SLIT2: variants seen among roughly 807,000 people sequenced by gnomAD.
SLIT2 encodes the protein slit guidance ligand 2, also known as slit homolog 2 protein.
SLIT2 carries 41 observed loss-of-function variants against 185.7 expected under a neutral mutation model. That is an observed-to-expected ratio of 0.22 (90% CI 0.17 to 0.29). The LOEUF (loss-of-function observed/expected upper bound fraction) is 0.29, where lower values mean the gene tolerates loss of function less well. SLIT2 is among the 10% of genes least tolerant of loss of function. The pLI is 1.00. For synonymous variants in SLIT2, 693 were observed against 680.2 expected, an observed-to-expected ratio of 1.02 and a Z score of -0.29; for missense variants, 1,571 against 1,909.0, an observed-to-expected ratio of 0.82 and a Z score of 3.30.
intron 4 of SLIT2, among the ~76,000 whole-genome samples, chr4:20,456,285 T>C (rs1001927897): frequency 2.0e-5 from 3 of 152,146 alleles, no homozygotes; most frequent in East Asian, 1.9e-4. Context: ...CTTCTAATTG[T>C]TAAATGCAGC....
At chr4:20,479,211 A>G (rs985624842) in intron 5 of SLIT2, among the ~76,000 whole-genome samples, 1 of 152,164 alleles carries the variant, frequency 6.6e-6, no homozygotes, top group Non-Finnish European at 1.5e-5. Context: ...CTTCTTATAA[A>G]TGAGATGTGT....
chr4:20,520,575 T>G (rs1720753418), intron 12 of SLIT2, among the ~76,000 whole-genome samples: 2 of 152,222 alleles, frequency 1.3e-5, no homozygotes, highest in African/African-American at 4.8e-5. Context: ...TCCCACAATC[T>G]TCATGTATAT....
At chr4:20,448,485 C>G (rs1232331110) in intron 4 of SLIT2, among the ~76,000 whole-genome samples, 1 of 151,726 alleles carries the variant, frequency 6.6e-6, no homozygotes. Flanking sequence ...TACACCCAGC[C>G]AATTTTTGTA....
chr4:20,369,344 G>A (rs1031363489), intron 4 of SLIT2, among the ~76,000 whole-genome samples: 1 of 151,882 alleles, frequency 6.6e-6, no homozygotes, highest in Non-Finnish European at 1.5e-5. Context: ...CTTTTCCTCT[G>A]GTTTTTGAGA....
chr4:20,448,693 AG>A (rs1712105901), intron 4 of SLIT2, among the ~76,000 whole-genome samples: 1 of 151,924 alleles, frequency 6.6e-6, no homozygotes, highest in African/African-American at 2.4e-5. Flanking sequence ...GCTGGAGTGC[AG>A]TGGCGTGATC....
At chr4:20,612,918 CAAA>C (rs33919601) in intron 34 of SLIT2, among the ~76,000 whole-genome samples, 2 of 120,542 alleles carry the variant, frequency 1.7e-5, no homozygotes, top group Admixed American at 8.9e-5. Context: ...ACTCCATCTC[CAAA>C]AAAAAAAAAA....
intron 35 of SLIT2, 66 bp from the exon 36 acceptor site, chr4:20,617,373 C>T (rs983435284): frequency 1.3e-6 from 2 of 1,483,812 alleles, no homozygotes; most frequent in African/African-American, 2.8e-5. Flanking sequence ...ATTCTTATAT[C>T]ACCTCCGTTC....
chr4:20,550,505 G>A (rs1723644048), intron 24 of SLIT2, among the ~76,000 whole-genome samples: 1 of 151,576 alleles, frequency 6.6e-6, no homozygotes, highest in South Asian at 2.1e-4. Flanking sequence ...TCTTTTCCTT[G>A]ATGGTTTCTG....
intron 4 of SLIT2, among the ~76,000 whole-genome samples, chr4:20,289,885 C>G (rs1259877610): frequency 6.6e-6 from 1 of 152,194 alleles, no homozygotes; most frequent in Admixed American, 6.5e-5. Context: ...TAGTGGGCCT[C>G]TGAGGCCTGT....
At chr4:20,606,103 G>A (rs940242233) in intron 33 of SLIT2, among the ~76,000 whole-genome samples, 2 of 152,116 alleles carry the variant, frequency 1.3e-5, no homozygotes, top group South Asian at 4.1e-4. Context: ...ACATCCTCCA[G>A]TTTATCTCAT....
chr4:20,536,582 AAAAC>A (rs200332021), intron 18 of SLIT2, among the ~76,000 whole-genome samples: 2,622 of 150,732 alleles, frequency 0.017, 83 homozygotes, highest in African/African-American at 0.06. Flanking sequence ...AAAAAAAACA[AAAAC>A]CACTGTACAA....
rs59360786 is a variant in SLIT2 at position 20,400,683 on chromosome 4, C to G, written c.396-67069C>G. ...TGGAGAAGGAAAGAATATGGAATAA[C>G]AAAGAAAAGCGCTTAAGAGCACCTA... On this transcript the variant is annotated intron_variant, in intron 4 of 36. Coordinates refer to ENST00000504154, the MANE Select transcript of SLIT2 (RefSeq NM_004787.4). Among the ~76,000 whole-genome samples the G allele has an allele frequency of 7.0e-3, 1,058 of 151,420 alleles. 23 individuals are homozygous for G. Among genetic ancestry groups the G allele is most frequent in the African/African-American group, 0.024 (1,000 of 41,346 alleles).
intron 29 of SLIT2, among the ~76,000 whole-genome samples, chr4:20,573,942 A>T (rs958509234): frequency 1.3e-5 from 2 of 148,164 alleles, no homozygotes; most frequent in African/African-American, 2.5e-5. Flanking sequence ...GAATTATTTT[A>T]TTTATTTATT....
rs761804763 is a variant in SLIT2, at chr4:20,596,449, C to T, written c.3355C>T (p.Leu1119Phe). 1.2e-5 allele frequency: 20 copies of T among 1,613,900 alleles called. No homozygotes were observed. The Admixed American group carries it at 3.2e-4, about 26-fold the overall frequency. ...LFCEFSPPMV[L>F]PRTSPCDNFD... ...CTGTGAGTTTTCTCCACCCATGGTC[C>T]TCCCTCGTACCAGCCCCTGTGATAA... The change falls in exon 32 of 37, where the codon CTC becomes TTC. Residue 1119 changes from leucine (L) to phenylalanine (F), a missense_variant. Leu to Phe is a conservative substitution (Grantham distance 22). Coordinates refer to ENST00000504154, the MANE Select transcript of SLIT2 (RefSeq NM_004787.4).
At chr4:20,303,333 A>C (rs1194497350) in intron 4 of SLIT2, among the ~76,000 whole-genome samples, 1 of 151,976 alleles carries the variant, frequency 6.6e-6, no homozygotes, top group Non-Finnish European at 1.5e-5. Flanking sequence ...CTTTATATTT[A>C]TATTTTACTT....
intron 30 of SLIT2, among the ~76,000 whole-genome samples, chr4:20,591,213 G>A (rs1460605899): frequency 6.6e-6 from 1 of 152,052 alleles, no homozygotes; most frequent in East Asian, 1.9e-4. Flanking sequence ...ATAGAATTCA[G>A]GGAATTAACA....
At chr4:20,374,301 T>C (rs981744126) in intron 4 of SLIT2, among the ~76,000 whole-genome samples, 1 of 152,110 alleles carries the variant, frequency 6.6e-6, no homozygotes, top group African/African-American at 2.4e-5. Flanking sequence ...AGAAATTTAT[T>C]GAGTTACTTT....
At chr4:20,499,281 A>C (rs545697904) in intron 9 of SLIT2, among the ~76,000 whole-genome samples, 1 of 152,132 alleles carries the variant, frequency 6.6e-6, no homozygotes, top group African/African-American at 2.4e-5. Context: ...TCTGGATATT[A>C]GTTCTTTGTT....
chr4:20,454,305 A>G (rs1460618712), intron 4 of SLIT2, among the ~76,000 whole-genome samples: 1 of 152,110 alleles, frequency 6.6e-6, no homozygotes, highest in Non-Finnish European at 1.5e-5. Context: ...TCTAACACAT[A>G]CTGTTATTAG....
Sources: gnomAD v4.1 joint callset for allele counts (sites outside exome capture counted in the v4.1 genomes callset) on GRCh38, gnomAD v4.1.1 for gene constraint, MANE v1.5 for transcripts, NCBI Gene and HGNC (gene_info 2026-07-23, HGNC 2026-07-21) for gene names.